The following ITGA7 variants were observed in gnomAD, a reference collection of about 807,000 sequenced individuals.
The protein encoded by ITGA7 is integrin alpha-7.
In ITGA7, 84 loss-of-function variants were observed where a neutral mutation model predicts 131.6. The observed-to-expected ratio is 0.64, with a 90% CI of 0.54 to 0.77. The LOEUF is 0.77. ITGA7 is among the 30% of genes least tolerant of loss of function. The pLI is 0.00. For synonymous variants in ITGA7, 548 were observed against 600.7 expected (o/e 0.91, Z 1.28); for missense variants, 1,399 against 1,482.9 (o/e 0.94, Z 0.93).
At chr12:55,712,264 A>G (rs1481398619), upstream of ITGA7, 1 of 1,550,646 alleles carries the variant, frequency 6.4e-7, no homozygotes, top group East Asian at 2.4e-5. Flanking sequence ...TACCAAAGGG[A>G]GCCATTTGGA....
upstream of ITGA7, chr12:55,716,295 G>T: frequency 6.6e-7 from 1 of 1,514,598 alleles, no homozygotes; most frequent in Non-Finnish European, 8.8e-7. Flanking sequence ...AGGGAAAGAC[G>T]CCAGCTAGCG....
At chr12:55,714,860 CTTTT>C (rs1307236467), upstream of ITGA7, among the ~76,000 whole-genome samples, 2 of 103,060 alleles carry the variant, frequency 1.9e-5, no homozygotes, top group Admixed American at 1.1e-4. Context: ...GGAATCAAGG[CTTTT>C]TTTTTTTTTT....
In ITGA7 at chr12:55,694,609, G is replaced by A; in HGVS notation, c.2277+6C>T. 6.2e-7 allele frequency: 1 copy of A among 1,613,998 alleles called. No individual in the cohort carries two copies. The highest frequency in any genetic ancestry group is 8.5e-7 in the Non-Finnish European group (1 of 1,179,892). On this transcript the variant is annotated splice_donor_region_variant and intron_variant, in intron 16 of 24. Coordinates refer to ENST00000257879, the MANE Select transcript of ITGA7 (RefSeq NM_002206.3). This position sits in a 1 kb window ranked among gnomAD's most constrained non-coding sequence, Gnocchi z 5.3. ...CTCACGTAGGGATAAGGGCAGATGT[G>A]CCAACCTGGGCACCTCTCTTCATGG...
chr12:55,708,928 G>A (rs1263111271), upstream of ITGA7, among the ~76,000 whole-genome samples: 1 of 152,152 alleles, frequency 6.6e-6, no homozygotes, highest in Non-Finnish European at 1.5e-5. Flanking sequence ...GCAAGGGGGT[G>A]GGGGGACACT....
At chr12:55,691,314 G>A (rs1871363649) in intron 21 of ITGA7, among the ~76,000 whole-genome samples, 1 of 152,082 alleles carries the variant, frequency 6.6e-6, no homozygotes, top group Non-Finnish European at 1.5e-5. Context: ...TGGAGTGGAG[G>A]CGGGGTGTGG....
intron 1 of ITGA7, among the ~76,000 whole-genome samples, chr12:55,703,915 C>G (rs991805528): frequency 6.6e-6 from 1 of 152,196 alleles, no homozygotes; most frequent in African/African-American, 2.4e-5. Context: ...CTTCCACCCC[C>G]ACCCAGTCTT....
intron 1 of ITGA7, among the ~76,000 whole-genome samples, chr12:55,706,266 AGAG>A (rs1592491693): frequency 6.6e-6 from 1 of 152,208 alleles, no homozygotes; most frequent in Admixed American, 6.5e-5. Context: ...GGTAAACAGA[AGAG>A]GAGATGAAGT....
Position 55,707,818 on chromosome 12 carries a change from C to CCGGCCCG in ITGA7, c.-137_-136insCGGGCCG. On this transcript the variant is annotated 5_prime_UTR_variant, in exon 1 of 25. Transcript: ENST00000257879. ...GACGTCTCCCAGACGTTCGCCCCGC[C>CCGGCCCG]AGCCCTCCCGCCCGCCCGCCGCTCC... 2 of 1,475,504 alleles carry CCGGCCCG rather than the reference C, an allele frequency of 1.4e-6. No individual in the cohort carries two copies. Among genetic ancestry groups the CCGGCCCG allele is most frequent in the Non-Finnish European group, 1.8e-6 (2 of 1,111,238 alleles). The allele number at this position is 1,475,504 out of a possible 1,614,324, so 91.4% of individuals were successfully genotyped here.
In ITGA7 at chr12:55,694,001, G is replaced by A. The variant is rs374850116; in HGVS notation, c.2535+20C>T. 2.2e-4 allele frequency: 347 copies of A among 1,585,082 alleles called. No homozygotes were observed. The highest frequency in any genetic ancestry group is 2.8e-4 in the Non-Finnish European group (329 of 1,156,316). ...AAGGAGGGAGGGTGACCATGGAGGG[G>A]CCTCATCCCTGACACTTACCGTGAC... is the stretch of plus-strand genomic sequence containing the variant. On this transcript the variant is annotated intron_variant, in intron 19 of 24. Transcript: ENST00000257879. The surrounding 1 kb of genome is among the most constrained non-coding windows in gnomAD (Gnocchi z 5.3).
At position 55,702,856 on chromosome 12, in the gene ITGA7, G is replaced by A. The variant is rs550976840; in HGVS notation, c.414+16C>T. On this transcript the variant is annotated intron_variant, in intron 3 of 24. Transcript: ENST00000257879. ...ACACCCCATCCGTGCATTCAGTCAT[G>A]AGAAGCAATACTCACAACAATCTTG... is the stretch of plus-strand genomic sequence containing the variant. 26 of 1,606,406 alleles carry A rather than the reference G, an allele frequency of 1.6e-5. No homozygotes were observed. The highest frequency in any genetic ancestry group is 2.2e-5 in the Non-Finnish European group (26 of 1,175,050).
At chr12:55,696,606 G>A (rs1872680345) in intron 12 of ITGA7, among the ~76,000 whole-genome samples, 174 bp from the exon 13 acceptor site, 1 of 152,176 alleles carries the variant, frequency 6.6e-6, no homozygotes, top group South Asian at 2.1e-4. Context: ...TAGGGGACAG[G>A]GGAAACCTTT....
rs780901999 is a variant in ITGA7 at position 55,693,123 on chromosome 12, C to G, written c.2712+18G>C. 1 of 1,613,366 alleles carries G rather than the reference C, an allele frequency of 6.2e-7. No homozygotes were observed. Among genetic ancestry groups the G allele is most frequent in the South Asian group, 1.1e-5 (1 of 91,054 alleles). On this transcript the variant is annotated intron_variant, in intron 20 of 24. Coordinates refer to ENST00000257879, the MANE Select transcript of ITGA7 (RefSeq NM_002206.3). ...CATCTGTCCCCACATCTAACCCCCACCCCCACCTAAGCCTCACCAGGTGGA... is the reference window on the plus strand; with the variant it reads ...CATCTGTCCCCACATCTAACCCCCAGCCCCACCTAAGCCTCACCAGGTGGA...
rs1869828437 is a variant in ITGA7, at chr12:55,685,261, G to A, written c.3211C>T (p.Pro1071Ser). ...KMGFFKRAKH[P>S]EATVPQYHAV... ...TGGTACTGGGGCACGGTGGCCTCGG[G>A]GTGCTTCGCCCGTTTGAAGAATCCC... Residue 1071 changes from proline to serine, a missense_variant, in exon 25 of 25, where the codon CCC becomes TCC. Coordinates refer to ENST00000257879, the MANE Select transcript of ITGA7 (RefSeq NM_002206.3). 2.5e-6 allele frequency: 4 copies of A among 1,614,158 alleles called. No individual in the cohort carries two copies. In the South Asian group the frequency reaches 4.4e-5, roughly 18 times the overall value.
At position 55,694,724 on chromosome 12, in the gene ITGA7, C is replaced by A. The variant is rs779391745; in HGVS notation, c.2197-29G>T. 6.2e-7 allele frequency: 1 copy of A among 1,614,018 alleles called. No individual in the cohort carries two copies. The highest frequency in any genetic ancestry group is 8.5e-7 in the Non-Finnish European group (1 of 1,179,904). ...GAATGGGAGAGAAGGCAAGGTCAGTCTGGGTTACTGGAGCCCCTCAAGACC... is the reference window on the plus strand; with the variant it reads ...GAATGGGAGAGAAGGCAAGGTCAGTATGGGTTACTGGAGCCCCTCAAGACC... On this transcript the variant is annotated intron_variant, in intron 15 of 24. Transcript: ENST00000257879. The surrounding 1 kb of genome is among the most constrained non-coding windows in gnomAD (Gnocchi z 5.3).
intron 3 of ITGA7, among the ~76,000 whole-genome samples, chr12:55,702,367 A>C (rs1441487462): frequency 6.6e-6 from 1 of 152,108 alleles, no homozygotes; most frequent in Non-Finnish European, 1.5e-5. Flanking sequence ...TTTTTAGTAG[A>C]GACGGGGTTT....
At chr12:55,704,179 C>A (rs542304523) in intron 1 of ITGA7, among the ~76,000 whole-genome samples, 1 of 152,214 alleles carries the variant, frequency 6.6e-6, no homozygotes, top group African/African-American at 2.4e-5. Flanking sequence ...CAAACCTCAA[C>A]GCCTCTCTCC....
rs1869716651 is a variant in ITGA7, at chr12:55,684,812, AC to A, written c.*245del. 1 of 528,376 alleles carries A rather than the reference AC, an allele frequency of 1.9e-6. No individual in the cohort carries two copies. Among genetic ancestry groups the A allele is most frequent in the Admixed American group, 3.3e-5 (1 of 30,342 alleles). The allele number at this position is 528,376 out of a possible 1,614,324, so 32.7% of individuals were successfully genotyped here. On this transcript the variant is annotated 3_prime_UTR_variant, in exon 25 of 25. Transcript: ENST00000257879. Reference sequence around the variant, plus strand: ...CTTCTCCCCACCTTTGCATCAGGACACCCCTGCCCTTCTCACCCTACCCCAT... The same window carrying A: ...CTTCTCCCCACCTTTGCATCAGGACACCCTGCCCTTCTCACCCTACCCCAT...
At chr12:55,700,164 A>G in intron 4 of ITGA7, 175 bp from the exon 5 acceptor site, 1 of 1,454,080 alleles carries the variant, frequency 6.9e-7, no homozygotes, top group Non-Finnish European at 9.4e-7. Flanking sequence ...ACAAGGTGAG[A>G]GACAGAAACA....
intron 4 of ITGA7, chr12:55,700,205 G>A (rs1370728636): frequency 1.3e-6 from 2 of 1,556,598 alleles, no homozygotes; most frequent in Non-Finnish European, 8.7e-7. Flanking sequence ...TGGAGAGAGA[G>A]GACAAGAGAG....
Sources: allele counts gnomAD v4.1 joint callset (sites outside exome capture counted in the v4.1 genomes callset), GRCh38; gene constraint gnomAD v4.1.1; non-coding constraint Gnocchi (gnomAD v3.1); transcripts MANE v1.5; gene names NCBI Gene and HGNC (gene_info 2026-07-23, HGNC 2026-07-21).